The following DMD variants were observed in gnomAD, a reference collection of about 807,000 sequenced individuals.
The protein encoded by DMD is dystrophin, also known as mutant dystrophin.
DMD carries 63 observed loss-of-function variants against 330.1 expected under a neutral mutation model. The observed-to-expected ratio is 0.19, with a 90% CI of 0.16 to 0.24. DMD has a LOEUF of 0.24. Ranked by LOEUF, DMD falls within the 10% of genes least tolerant of loss-of-function variation. The probability of loss-of-function intolerance (pLI) is 1.00; values close to 1 mark genes in which losing one functional copy is unlikely to be tolerated. For missense variants in DMD, 3,344 were observed against 2,684.1 expected (o/e 1.25, Z -5.43); for synonymous variants, 1,223 against 959.8 (o/e 1.27, Z -5.07).
chrX:31,325,613 TGA>T (rs2056733380), intron 61 of DMD, among the ~76,000 whole-genome samples: 1 of 110,656 alleles, frequency 9.0e-6, no homozygotes. Flanking sequence ...AAACTCCAAC[TGA>T]AAAACAAACA....
chrX:31,239,066 C>T (rs2048001404), intron 63 of DMD, among the ~76,000 whole-genome samples: 1 of 112,289 alleles, frequency 8.9e-6, no homozygotes, highest in Non-Finnish European at 1.9e-5. Context: ...TGCAGTATAT[C>T]AGGCACTCTG....
intron 1 of DMD, among the ~76,000 whole-genome samples, chrX:33,293,316 G>A (rs751011931): frequency 9.0e-6 from 1 of 111,334 alleles, no homozygotes; most frequent in South Asian, 3.8e-4. Flanking sequence ...AGGAACAATG[G>A]AAGTTTGCAT....
intron 1 of DMD, among the ~76,000 whole-genome samples, chrX:33,318,666 C>T (rs1431694995): frequency 9.2e-6 from 1 of 108,964 alleles, no homozygotes; most frequent in Non-Finnish European, 1.9e-5. Context: ...AAGCTGGTCT[C>T]GAACTCCTGA....
In DMD at chrX:33,206,204, C is replaced by T. The variant is rs1169323410; in HGVS notation, c.31+5078G>A. Among the ~76,000 whole-genome samples, 8 of 112,106 alleles carry T rather than the reference C, an allele frequency of 7.1e-5. No homozygotes were observed. The Admixed American group carries it at 7.6e-4, about 11-fold the overall frequency. ...TTAGACCTACATATTATTCACCAGT[C>T]TTAGATATATTTCAGATTTCCAAAT... On this transcript the variant is annotated intron_variant, in intron 1 of 78. Transcript: ENST00000357033.
At chrX:32,847,998 G>A (rs960019704) in intron 3 of DMD, among the ~76,000 whole-genome samples, 2 of 111,859 alleles carry the variant, frequency 1.8e-5, no homozygotes, top group Admixed American at 1.9e-4. Flanking sequence ...TATGAATTAC[G>A]AAAGGATCTG....
intron 42 of DMD, among the ~76,000 whole-genome samples, chrX:32,294,731 T>C (rs956341479): frequency 9.0e-6 from 1 of 111,218 alleles, no homozygotes; most frequent in African/African-American, 3.3e-5. Context: ...GTCCAGGAAA[T>C]ACATCCTTTT....
chrX:32,694,033 A>C (rs1384130254), intron 9 of DMD, among the ~76,000 whole-genome samples: 1 of 112,082 alleles, frequency 8.9e-6, no homozygotes, highest in African/African-American at 3.2e-5. Flanking sequence ...AATAATTTTC[A>C]ATCATCATGT....
intron 1 of DMD, among the ~76,000 whole-genome samples, chrX:33,319,008 G>C (rs772022534): frequency 1.8e-5 from 2 of 110,580 alleles, no homozygotes; most frequent in Non-Finnish European, 3.8e-5. Flanking sequence ...TATGAGTACA[G>C]AGCCTTCTTG....
rs755821541 is a variant in DMD at position 32,456,530 on chromosome X, G to T, written c.3433-1698C>A. 4.6e-5 allele frequency among the ~76,000 whole-genome samples: 5 copies of T among 109,520 alleles called. No individual in the cohort carries two copies. The East Asian group carries it at 1.4e-3, about 32-fold the overall frequency. ...TACAAAAATATTAGAGGGACTAATG[G>T]AATTCAGCCAAGACTTCTAGTAAAA... On this transcript the variant is annotated intron_variant, in intron 25 of 78. Coordinates refer to ENST00000357033, the MANE Select transcript of DMD (RefSeq NM_004006.3).
intron 44 of DMD, among the ~76,000 whole-genome samples, chrX:32,086,097 T>C (rs936972890): frequency 2.7e-5 from 3 of 112,096 alleles, no homozygotes; most frequent in African/African-American, 9.7e-5. Flanking sequence ...ATATATTGTA[T>C]AATTCAGCAA....
intron 7 of DMD, among the ~76,000 whole-genome samples, chrX:32,791,342 G>A (rs1603423772): frequency 1.8e-5 from 2 of 111,598 alleles, no homozygotes; most frequent in African/African-American, 6.5e-5. Context: ...AAGCCAAAGG[G>A]TTAGCCTGCC....
At chrX:32,421,661 A>C (rs1447699217) in intron 29 of DMD, among the ~76,000 whole-genome samples, 2 of 111,736 alleles carry the variant, frequency 1.8e-5, no homozygotes, top group African/African-American at 6.5e-5. Flanking sequence ...ACTGGTTCCA[A>C]ACTTCCTCTC....
intron 55 of DMD, among the ~76,000 whole-genome samples, chrX:31,569,642 G>GTA (rs1556698821): frequency 4.1e-5 from 3 of 73,874 alleles, no homozygotes; most frequent in African/African-American, 9.9e-5. Flanking sequence ...GTATATATAT[G>GTA]TATATACGTA....
chrX:33,214,573 C>T (rs1256440274), upstream of DMD, among the ~76,000 whole-genome samples: 2 of 111,425 alleles, frequency 1.8e-5, no homozygotes, highest in Non-Finnish European at 3.8e-5. Flanking sequence ...GCACTACTGT[C>T]GGTTATGCAT....
chrX:32,742,615 G>A (rs977404621), intron 7 of DMD, among the ~76,000 whole-genome samples: 7 of 111,664 alleles, frequency 6.3e-5, no homozygotes, highest in African/African-American at 2.3e-4. Context: ...GGGTTTAGAG[G>A]AGAGTAAATG....
At chrX:31,640,450 T>A (rs73617091) in intron 54 of DMD, among the ~76,000 whole-genome samples, 5,769 of 112,344 alleles carry the variant, frequency 0.051, 355 homozygotes, top group African/African-American at 0.17. Context: ...TGATTTTTTA[T>A]AACTGCGCAA....
chrX:31,323,505 G>C, intron 62 of DMD, 93 bp downstream of exon 62: 1 of 754,460 alleles, frequency 1.3e-6, no homozygotes, highest in Admixed American at 2.6e-5. Flanking sequence ...TTGTAGGCCA[G>C]GCTAATGTCG....
intron 2 of DMD, among the ~76,000 whole-genome samples, chrX:32,873,522 A>T (rs867341686): frequency 9.0e-6 from 1 of 111,370 alleles, no homozygotes; most frequent in Middle Eastern, 4.7e-3. Context: ...TTTACCACTG[A>T]TTAAGTAGCC....
At chrX:31,341,795 C>A (rs746546369) in intron 61 of DMD, among the ~76,000 whole-genome samples, 1 of 110,517 alleles carries the variant, frequency 9.0e-6, no homozygotes, top group Non-Finnish European at 1.9e-5. Flanking sequence ...GGAAAGGGCT[C>A]GAATGATTCA....
Sources: allele counts gnomAD v4.1 joint callset (sites outside exome capture counted in the v4.1 genomes callset), GRCh38; gene constraint gnomAD v4.1.1; transcripts MANE v1.5; gene names NCBI Gene and HGNC (gene_info 2026-07-23, HGNC 2026-07-21).